The following SCYL2 variants were observed in gnomAD, a reference collection of about 807,000 sequenced individuals.
SCYL2 encodes the protein SCY1 like pseudokinase 2, also known as SCY1-like protein 2.
SCYL2 carries 36 observed loss-of-function variants against 100.4 expected under a neutral mutation model. That is an observed-to-expected ratio of 0.36 (90% CI 0.27 to 0.47). The LOEUF is 0.47. Among genes scored for constraint, SCYL2 ranks in the 20% least tolerant of loss-of-function variants. The pLI is 1.00. For synonymous variants in SCYL2, 330 were observed against 359.2 expected (o/e 0.92, Z 0.92); for missense variants, 902 against 1,083.9 (o/e 0.83, Z 2.36).
intron 2 of SCYL2, among the ~76,000 whole-genome samples, chr12:100,283,403 A>T (rs949258175): frequency 6.6e-6 from 1 of 152,212 alleles, no homozygotes; most frequent in Non-Finnish European, 1.5e-5. Flanking sequence ...CTTAATAAAC[A>T]TGTCAGTTGA....
In SCYL2 at chr12:100,338,968, T is replaced by C. The variant is rs549578980; in HGVS notation, c.2586T>C (p.Asn862=). 3.1e-6 allele frequency: 5 copies of C among 1,614,108 alleles called. No homozygotes were observed. The highest frequency in any genetic ancestry group is 4.2e-6 in the Non-Finnish European group (5 of 1,179,968). Reference sequence around the variant, plus strand: ...ACCAGTTATCACAACAGAAACCAAATCAGTGGCTTAATCAGTTTGTACCTC... The same window carrying C: ...ACCAGTTATCACAACAGAAACCAAACCAGTGGCTTAATCAGTTTGTACCTC... ...SMNQLSQQKP[N]QWLNQFVPPQ... Residue 862 remains asparagine (N), a synonymous_variant, in exon 18 of 18, where the codon AAT becomes AAC. Coordinates refer to ENST00000360820, the MANE Select transcript of SCYL2 (RefSeq NM_017988.6).
In SCYL2 at chr12:100,339,267, A is replaced by G. The variant is rs544958985; in HGVS notation, c.*95A>G. ...TAGTTGGCTTGGAGGAAGTACTTCT[A>G]TGGGAAAGTGAACAGTTCTGTGACA... On this transcript the variant is annotated 3_prime_UTR_variant, in exon 18 of 18. Coordinates refer to ENST00000360820, the MANE Select transcript of SCYL2 (RefSeq NM_017988.6). 3 of 1,215,530 alleles carry G rather than the reference A, an allele frequency of 2.5e-6. No individual in the cohort carries two copies. The highest frequency in any genetic ancestry group is 1.4e-5 in the South Asian group (1 of 69,204). The allele number at this position is 1,215,530 out of a possible 1,614,324, so 75.3% of individuals were successfully genotyped here. A position where few individuals can be genotyped will look rare whatever the true frequency, so the allele number is the denominator to read the frequency against.
At chr12:100,277,433 G>A (rs571010043) in intron 1 of SCYL2, among the ~76,000 whole-genome samples, 1 of 152,136 alleles carries the variant, frequency 6.6e-6, no homozygotes, top group Non-Finnish European at 1.5e-5. Context: ...TTATTTCGAA[G>A]TTCTCTTATT....
intron 4 of SCYL2, among the ~76,000 whole-genome samples, chr12:100,306,617 A>G (rs1333315623): frequency 6.6e-6 from 1 of 152,242 alleles, no homozygotes; most frequent in Non-Finnish European, 1.5e-5. Context: ...CACCACTCCT[A>G]TTCAACATTG....
intron 14 of SCYL2, 96 bp downstream of exon 14, chr12:100,334,362 G>C (rs930206491): frequency 5.2e-6 from 4 of 769,230 alleles, no homozygotes; most frequent in Non-Finnish European, 8.9e-6. Flanking sequence ...AAACTTGCTG[G>C]ATTTAAATTT....
chr12:100,327,240 T>C (rs1952142105), intron 12 of SCYL2: 1 of 343,436 alleles, frequency 2.9e-6, no homozygotes, highest in Non-Finnish European at 5.9e-6. Flanking sequence ...AAGTGGTAAG[T>C]GATAGGAGCT....
At chr12:100,295,027 G>C (rs1406264069) in intron 3 of SCYL2, among the ~76,000 whole-genome samples, 1 of 151,190 alleles carries the variant, frequency 6.6e-6, no homozygotes, top group African/African-American at 2.4e-5. Context: ...ACGGGGTCGC[G>C]GCCGGGCAGA....
At chr12:100,272,513 T>C (rs555433517) in intron 1 of SCYL2, among the ~76,000 whole-genome samples, 2 of 152,320 alleles carry the variant, frequency 1.3e-5, no homozygotes, top group African/African-American at 2.4e-5. Flanking sequence ...TGCACCAATT[T>C]TTACTTTCAG....
At chr12:100,292,627 A>T (rs996273756) in intron 3 of SCYL2, among the ~76,000 whole-genome samples, 5 of 152,366 alleles carry the variant, frequency 3.3e-5, no homozygotes, top group South Asian at 2.1e-4. Flanking sequence ...AACATTTACT[A>T]TGTGAAAAAC....
chr12:100,318,057 A>T lies in SCYL2; in HGVS notation c.1395+132A>T, dbSNP rs1241209481. 5.1e-6 allele frequency: 4 copies of T among 787,084 alleles called. No homozygotes were observed. In the African/African-American group the frequency reaches 7.1e-5, roughly 14 times the overall value. 48.8% of individuals were successfully genotyped at this position (787,084 alleles called of 1,614,324 possible). A position where few individuals can be genotyped will look rare whatever the true frequency, so the allele number is the denominator to read the frequency against. On this transcript the variant is annotated intron_variant, in intron 10 of 17. Coordinates refer to ENST00000360820, the MANE Select transcript of SCYL2 (RefSeq NM_017988.6). ...AGTAAATATATTTATCTTTTGAATC[A>T]CATTATTGATATACTGTAACTAAAA...
chr12:100,301,083 G>A (rs1010655325), intron 4 of SCYL2, among the ~76,000 whole-genome samples: 15 of 152,288 alleles, frequency 9.8e-5, no homozygotes, highest in African/African-American at 1.2e-4. Context: ...AAATTGTTCT[G>A]TATAGTTCTT....
intron 13 of SCYL2, among the ~76,000 whole-genome samples, chr12:100,333,009 C>T (rs1952230810): frequency 6.6e-6 from 1 of 152,034 alleles, no homozygotes; most frequent in African/African-American, 2.4e-5. Context: ...AGCCACATGC[C>T]TGGACCGATG....
intron 1 of SCYL2, among the ~76,000 whole-genome samples, chr12:100,274,854 C>A (rs2135799119): frequency 6.6e-6 from 1 of 152,282 alleles, no homozygotes; most frequent in East Asian, 1.9e-4. Context: ...GTGCCATAGA[C>A]CCTTTTGACA....
Position 100,269,851 on chromosome 12 carries a change from A to T in SCYL2, c.-29+2059A>T, listed in dbSNP as rs571956620. 1.4e-4 allele frequency among the ~76,000 whole-genome samples: 22 copies of T among 152,302 alleles called. No individual in the cohort carries two copies. In the South Asian group the frequency reaches 4.4e-3, roughly 30 times the overall value. The stretch of plus-strand genomic sequence containing the variant: ...TAGGTTCCGATTCCAAAGGTTTGAG[A>T]TACTACCTAGGCATCTATGTGGTTT... On this transcript the variant is annotated intron_variant, in intron 1 of 17. Coordinates refer to ENST00000360820, the MANE Select transcript of SCYL2 (RefSeq NM_017988.6).
At chr12:100,323,030 GAAA>G (rs755343482) in intron 10 of SCYL2, among the ~76,000 whole-genome samples, 2 of 56,770 alleles carry the variant, frequency 3.5e-5, no homozygotes, top group African/African-American at 6.9e-5. Flanking sequence ...CCTGTCTCAA[GAAA>G]AAAAAAAAAA....
intron 16 of SCYL2, 76 bp from the exon 17 acceptor site, chr12:100,337,311 C>T: frequency 6.4e-7 from 1 of 1,567,700 alleles, no homozygotes; most frequent in Admixed American, 2.0e-5. Flanking sequence ...TGTACTTTAC[C>T]CGAAGAGATT....
At chr12:100,333,137 A>G (rs1440118919) in intron 13 of SCYL2, among the ~76,000 whole-genome samples, 2 of 151,984 alleles carry the variant, frequency 1.3e-5, no homozygotes, top group African/African-American at 4.8e-5. Context: ...GTATACTTCA[A>G]TAAAAAGTTT....
At chr12:100,338,281 T>C (rs1257902301) in intron 17 of SCYL2, among the ~76,000 whole-genome samples, 1 of 152,122 alleles carries the variant, frequency 6.6e-6, no homozygotes, top group Non-Finnish European at 1.5e-5. Context: ...CAAGATAATA[T>C]TTTGCTTAAT....
rs1490155639 is a variant in SCYL2 at position 100,339,130 on chromosome 12, T to C, written c.2748T>C (p.Asn916=). The change falls in exon 18 of 18, where the codon AAT becomes AAC. Residue 916 remains asparagine, a synonymous_variant. Transcript: ENST00000360820. ...CACAGCCACCAACTACTATGACCAA[T>C]AGCAGTTCAGCTAGCAATGATTTAA... ...NFAQPPTTMT[N]SSSASNDLKD... 4 of 1,613,994 alleles carry C rather than the reference T, an allele frequency of 2.5e-6. No homozygotes were observed. Among genetic ancestry groups the C allele is most frequent in the East Asian group, 2.2e-5 (1 of 44,884 alleles).
Sources: allele counts gnomAD v4.1 joint callset (sites outside exome capture counted in the v4.1 genomes callset), GRCh38; gene constraint gnomAD v4.1.1; transcripts MANE v1.5; gene names NCBI Gene and HGNC (gene_info 2026-07-23, HGNC 2026-07-21).